EFHC1: variants seen among roughly 807,000 people sequenced by gnomAD.
The protein encoded by EFHC1 is EF-hand domain containing 1.
In EFHC1, 53 loss-of-function variants were observed where a neutral mutation model predicts 69.9. That is an observed-to-expected ratio of 0.76 (90% confidence interval 0.61 to 0.95). The LOEUF (loss-of-function observed/expected upper bound fraction) is 0.95, where lower values mean the gene tolerates loss of function less well. Ranked by LOEUF, EFHC1 falls within the 40% of genes least tolerant of loss-of-function variation. The probability of loss-of-function intolerance (pLI) is 0.00; values close to 1 mark genes in which losing one functional copy is unlikely to be tolerated. For synonymous variants in EFHC1, 256 were observed against 278.4 expected, an observed-to-expected ratio of 0.92 and a Z score of 0.80; for missense variants, 739 against 798.7, an observed-to-expected ratio of 0.93 and a Z score of 0.90.
chr6:52,454,505 C>T (rs1274113923), intron 5 of EFHC1, among the ~76,000 whole-genome samples: 2 of 151,974 alleles, frequency 1.3e-5, no homozygotes, highest in Non-Finnish European at 2.9e-5. Flanking sequence ...GGAAACAAAA[C>T]CAAAACAACA....
chr6:52,420,875 A>C, intron 1 of EFHC1: 1 of 422,190 alleles, frequency 2.4e-6, no homozygotes, highest in Middle Eastern at 8.7e-4. Context: ...GTTCTCTCAC[A>C]TCATAACCTG....
At chr6:52,481,231 C>A (rs1208474670) in intron 9 of EFHC1, among the ~76,000 whole-genome samples, 1 of 151,980 alleles carries the variant, frequency 6.6e-6, no homozygotes, top group Non-Finnish European at 1.5e-5. Flanking sequence ...AAGGATGACT[C>A]CAAGATGTTT....
Position 52,423,809 on chromosome 6 carries a change from A to G in EFHC1, c.64-137A>G. 2.6e-6 allele frequency: 4 copies of G among 1,535,560 alleles called. No homozygotes were observed. The South Asian group carries it at 4.8e-5, about 18-fold the overall frequency. ...GCACGAGCCACCATGCCCAGCCTTA[A>G]TGTTGGTAAGCTTCTTGATGTAAGT... On this transcript the variant is annotated intron_variant, in intron 1 of 10. Coordinates refer to ENST00000371068, the MANE Select transcript of EFHC1 (RefSeq NM_018100.4).
chr6:52,469,409 C>T lies in EFHC1; in HGVS notation c.1214C>T (p.Pro405Leu), dbSNP rs762451714. The change falls in exon 7 of 11, where the codon CCA becomes CTA. Residue 405 changes from proline to leucine, a missense_variant. Pro to Leu is a moderately conservative substitution (Grantham distance 98). Coordinates refer to ENST00000371068, the MANE Select transcript of EFHC1 (RefSeq NM_018100.4). ...TGTTTTGCTCTCATTCCAAAAGCTCCAAAAAAAGACGTTATTAAAATGCTG... is the reference window on the plus strand; with the variant it reads ...TGTTTTGCTCTCATTCCAAAAGCTCTAAAAAAAGACGTTATTAAAATGCTG... ...QNCFALIPKA[P>L]KKDVIKMLVN... 5 of 1,613,752 alleles carry T rather than the reference C, an allele frequency of 3.1e-6. No homozygotes were observed. The South Asian group carries it at 4.4e-5, about 14-fold the overall frequency.
At chr6:52,453,882 T>A (rs1202914872) in intron 4 of EFHC1, 3 of 1,400,312 alleles carry the variant, frequency 2.1e-6, no homozygotes, top group Non-Finnish European at 2.8e-6. Context: ...AATCCTATTA[T>A]TTAATTCTTT....
At chr6:52,468,874 A>C (rs948241744) in intron 6 of EFHC1, 1 of 182,854 alleles carries the variant, frequency 5.5e-6, no homozygotes, top group Non-Finnish European at 1.2e-5. Context: ...TACGCCGTAG[A>C]CAAATTTAAT....
chr6:52,463,852 C>G (rs1765231079), intron 5 of EFHC1, among the ~76,000 whole-genome samples: 1 of 152,164 alleles, frequency 6.6e-6, no homozygotes, highest in Admixed American at 6.6e-5. Context: ...GGAGACAGAT[C>G]CCTTGGACTA....
In EFHC1 at chr6:52,493,366, A is replaced by G. The variant is rs547999372; in HGVS notation, c.*1025A>G. 3 of 74,564 alleles carry G rather than the reference A, an allele frequency of 4.0e-5. No homozygotes were observed. In the Admixed American group the frequency reaches 4.2e-4, roughly 10 times the overall value. 4.6% of individuals were successfully genotyped at this position (74,564 alleles called of 1,614,324 possible). On this transcript the variant is annotated 3_prime_UTR_variant, in exon 11 of 11. Coordinates refer to ENST00000371068, the MANE Select transcript of EFHC1 (RefSeq NM_018100.4). The stretch of plus-strand genomic sequence containing the variant: ...TAACTCTCTCTTTCTCTCTCTCTAC[A>G]TATATATATATATATATATTTTATA...
At chr6:52,450,803 G>A (rs1274413913) in intron 3 of EFHC1, among the ~76,000 whole-genome samples, 1 of 151,026 alleles carries the variant, frequency 6.6e-6, no homozygotes, top group Non-Finnish European at 1.5e-5. Flanking sequence ...TGTTTGTTTT[G>A]TTTGTTTGTT....
chr6:52,453,335 T>G (rs1044018967), intron 4 of EFHC1: 12 of 1,287,140 alleles, frequency 9.3e-6, no homozygotes, highest in Non-Finnish European at 1.1e-5. Context: ...GTTCTGAGCA[T>G]TTTCCAACTC....
rs182570334 is a variant in EFHC1 at position 52,423,178 on chromosome 6, T to A, written c.64-768T>A. Among the ~76,000 whole-genome samples the A allele has an allele frequency of 2.0e-5, 3 of 152,326 alleles. No homozygotes were observed. The East Asian group carries it at 5.8e-4, about 29-fold the overall frequency. ...GTTGCTTTCCAAAGAGTTGTAAGAA[T>A]GTATCACTGTCATTGTGACAAGAGG... On this transcript the variant is annotated intron_variant, in intron 1 of 10. Coordinates refer to ENST00000371068, the MANE Select transcript of EFHC1 (RefSeq NM_018100.4).
intron 6 of EFHC1, among the ~76,000 whole-genome samples, chr6:52,467,041 C>T (rs1765321242): frequency 6.6e-6 from 1 of 152,084 alleles, no homozygotes; most frequent in Non-Finnish European, 1.5e-5. Flanking sequence ...GGGAAAATAC[C>T]ATGAGAACAG....
intron 1 of EFHC1, among the ~76,000 whole-genome samples, chr6:52,420,839 C>G (rs1466481598): frequency 1.3e-5 from 2 of 152,012 alleles, no homozygotes; most frequent in Non-Finnish European, 2.9e-5. Flanking sequence ...TACTCCCAAC[C>G]TATCTCTGGG....
chr6:52,485,499 G>T (rs1352619616), intron 9 of EFHC1: 1 of 152,050 alleles, frequency 6.6e-6, no homozygotes, highest in Non-Finnish European at 1.5e-5. Context: ...GGTTTGTTTG[G>T]CCCCATGAAG....
At position 52,493,846 on chromosome 6, in the gene EFHC1, A is replaced by C. The variant is rs989087417; in HGVS notation, c.*1505A>C. On this transcript the variant is annotated 3_prime_UTR_variant, in exon 11 of 11. Transcript: ENST00000371068. ...ATCTCAAATTCCCCGAAGCCACCCA[A>C]AATGTGGTATGAATGAGGATAGAGT... The C allele has an allele frequency of 4.4e-6, 2 of 453,946 alleles. No individual in the cohort carries two copies. Among genetic ancestry groups the C allele is most frequent in the Admixed American group, 2.3e-5 (1 of 42,554 alleles). The allele number at this position is 453,946 out of a possible 1,614,324, so 28.1% of individuals were successfully genotyped here. A position where few individuals can be genotyped will look rare whatever the true frequency, so the allele number is the denominator to read the frequency against.
rs1207629447 is a variant in EFHC1, at chr6:52,497,142, C to CCACTT, written c.*4802_*4806dup. 1.3e-5 allele frequency: 2 copies of CCACTT among 148,682 alleles called. No individual in the cohort carries two copies. The highest frequency in any genetic ancestry group is 6.9e-5 in the Admixed American group (1 of 14,526). The allele number at this position is 148,682 out of a possible 1,614,324, so 9.2% of individuals were successfully genotyped here. The stretch of plus-strand genomic sequence containing the variant: ...ACCCCATGTTAAGAAAACCTCTTTT[C>CCACTT]CACTTTACTATTAAAGAGTCAAATA... On this transcript the variant is annotated 3_prime_UTR_variant, in exon 11 of 11. Transcript: ENST00000371068.
At chr6:52,463,016 G>GTTTGT (rs369643049) in intron 5 of EFHC1, among the ~76,000 whole-genome samples, 11,251 of 150,870 alleles carry the variant, frequency 0.075, 845 homozygotes, top group African/African-American at 0.19. Flanking sequence ...TTTTGTTTTT[G>GTTTGT]TTTGTTTTGT....
rs1766057949 is a variant in EFHC1 at position 52,496,227 on chromosome 6, A to ACAC, written c.*3886_*3887insCAC. On this transcript the variant is annotated 3_prime_UTR_variant, in exon 11 of 11. Coordinates refer to ENST00000371068, the MANE Select transcript of EFHC1 (RefSeq NM_018100.4). Reference sequence around the variant, plus strand: ...ACACACCCACACACACACACACACAAAGAGAGAATGAGAATTATTAAGATT... The same window carrying ACAC: ...ACACACCCACACACACACACACACAACACAGAGAGAATGAGAATTATTAAGATT... The ACAC allele has an allele frequency of 2.0e-5, 3 of 153,074 alleles. No homozygotes were observed. The allele number at this position is 153,074 out of a possible 1,614,324, so 9.5% of individuals were successfully genotyped here.
chr6:52,433,066 GA>G (rs1054440877), intron 2 of EFHC1, among the ~76,000 whole-genome samples: 1 of 151,566 alleles, frequency 6.6e-6, no homozygotes, highest in Non-Finnish European at 1.5e-5. Context: ...CTATTTCATT[GA>G]AAAAAATTTC....
Sources: gnomAD v4.1 joint callset for allele counts (sites outside exome capture counted in the v4.1 genomes callset) on GRCh38, gnomAD v4.1.1 for gene constraint, MANE v1.5 for transcripts, NCBI Gene and HGNC (gene_info 2026-07-23, HGNC 2026-07-21) for gene names.